SIPA1L1: variants seen among roughly 807,000 people sequenced by gnomAD.
SIPA1L1 encodes signal-induced proliferation-associated 1-like protein 1.
A neutral mutation model predicts 162.7 loss-of-function variants in SIPA1L1; 26 were observed. That is an observed-to-expected ratio of 0.16 (90% confidence interval 0.12 to 0.22). The LOEUF (loss-of-function observed/expected upper bound fraction) is 0.22. Among genes scored for constraint, SIPA1L1 ranks in the 10% least tolerant of loss-of-function variants. SIPA1L1 has a pLI of 1.00. For synonymous variants in SIPA1L1, 829 were observed against 837.4 expected (o/e 0.99, Z 0.17); for missense variants, 1,874 against 2,241.0 (o/e 0.84, Z 3.31).
intron 14 of SIPA1L1, among the ~76,000 whole-genome samples, chr14:71,700,932 T>G (rs978880102): frequency 1.7e-5 from 2 of 120,096 alleles, no homozygotes; most frequent in Non-Finnish European, 3.2e-5. Context: ...AGGCGGAGCT[T>G]GCAGTGAGCC....
intron 17 of SIPA1L1, among the ~76,000 whole-genome samples, chr14:71,718,178 G>T (rs1213933884): frequency 2.0e-5 from 3 of 152,192 alleles, no homozygotes; most frequent in African/African-American, 7.2e-5. Flanking sequence ...ACACAAGAAA[G>T]TATGCTTTAG....
In SIPA1L1 at chr14:71,572,107, G is replaced by T. The variant is rs139174728; in HGVS notation, c.-302-15464G>T. Among the ~76,000 whole-genome samples the T allele has an allele frequency of 3.3e-3, 507 of 152,160 alleles. 6 individuals carry two copies. The highest frequency in any genetic ancestry group is 0.012 in the African/African-American group (485 of 41,532). On this transcript the variant is annotated intron_variant, in intron 4 of 23. Coordinates refer to ENST00000381232, the MANE Select transcript of SIPA1L1 (RefSeq NM_001386936.1). ...TGAGCCTCCTAACTTGCTAGCTCAG[G>T]TCTCTCTTCCTCTTCTTATAAAGCT...
At chr14:71,708,348 A>G (rs1017211525) in intron 16 of SIPA1L1, among the ~76,000 whole-genome samples, 6 of 146,730 alleles carry the variant, frequency 4.1e-5, no homozygotes, top group Admixed American at 6.9e-5. Flanking sequence ...GAGACAGGGT[A>G]TCACTCTGTC....
At chr14:71,331,986 T>G (rs929992271) in intron 2 of SIPA1L1, among the ~76,000 whole-genome samples, 1 of 152,216 alleles carries the variant, frequency 6.6e-6, no homozygotes, top group African/African-American at 2.4e-5. Flanking sequence ...AAGAAATATT[T>G]TCTCATCATC....
chr14:71,709,366 G>A lies in SIPA1L1; in HGVS notation c.3910G>A (p.Asp1304Asn), dbSNP rs1157647068. ...SYNYLQGTSA[D>N]SGIDTTSYGP... ...TAACTATCTGCAAGGCACCTCTGCT[G>A]ACAGTGGCATTGACACCACCTCTTA... The change falls in exon 17 of 24, where the codon GAC becomes AAC. Residue 1304 changes from aspartate (D) to asparagine (N), a missense_variant. By Grantham distance (23) the Asp-to-Asn change is conservative. Coordinates refer to ENST00000381232, the MANE Select transcript of SIPA1L1 (RefSeq NM_001386936.1). The A allele has an allele frequency of 6.2e-7, 1 of 1,614,108 alleles. No individual in the cohort carries two copies. The highest frequency in any genetic ancestry group is 8.5e-7 in the Non-Finnish European group (1 of 1,180,054).
At chr14:71,446,785 T>C (rs2045378158) in intron 2 of SIPA1L1, among the ~76,000 whole-genome samples, 1 of 151,770 alleles carries the variant, frequency 6.6e-6, no homozygotes, top group Non-Finnish European at 1.5e-5. Context: ...TCTGAAACAG[T>C]AAGGGGTGAA....
chr14:71,355,810 G>A (rs1048933015), intron 2 of SIPA1L1, among the ~76,000 whole-genome samples: 19 of 152,194 alleles, frequency 1.2e-4, no homozygotes, highest in African/African-American at 4.1e-4. Flanking sequence ...TGTTTTGTGT[G>A]TTGTTTTCTT....
intron 2 of SIPA1L1, among the ~76,000 whole-genome samples, chr14:71,441,115 C>T (rs2044818442): frequency 6.6e-6 from 1 of 152,180 alleles, no homozygotes; most frequent in African/African-American, 2.4e-5. Flanking sequence ...AAATTTTCAG[C>T]ATCTTGTTAC....
At chr14:71,635,516 C>G (rs1393025063) in intron 7 of SIPA1L1, among the ~76,000 whole-genome samples, 2 of 152,136 alleles carry the variant, frequency 1.3e-5, no homozygotes, top group Non-Finnish European at 2.9e-5. Context: ...TTCTACACTT[C>G]GCTTCAATTG....
chr14:71,740,713 T>G lies in SIPA1L1; in HGVS notation c.*1552T>G, dbSNP rs1322084076. 3 of 152,236 alleles carry G rather than the reference T, an allele frequency of 2.0e-5. No homozygotes were observed. The highest frequency in any genetic ancestry group is 7.2e-5 in the African/African-American group (3 of 41,464). The allele number at this position is 152,236 out of a possible 1,614,324, so 9.4% of individuals were successfully genotyped here. On this transcript the variant is annotated 3_prime_UTR_variant, in exon 24 of 24. Transcript: ENST00000381232. ...GATTGTGATTTCTCCATGGAATTTT[T>G]TTTTTCTGGTGACATTTCTATCATG... is the stretch of plus-strand genomic sequence containing the variant.
chr14:71,690,445 A>C (rs1262277332), intron 13 of SIPA1L1, among the ~76,000 whole-genome samples: 1 of 151,898 alleles, frequency 6.6e-6, no homozygotes, highest in African/African-American at 2.4e-5. Context: ...ACAGTGTCTC[A>C]CTCTGTTGCC....
At chr14:71,688,818 G>A (rs895682161) in intron 13 of SIPA1L1, among the ~76,000 whole-genome samples, 2 of 152,206 alleles carry the variant, frequency 1.3e-5, no homozygotes, top group Non-Finnish European at 2.9e-5. Context: ...TAATGGTGTG[G>A]CGTAATATTG....
intron 7 of SIPA1L1, among the ~76,000 whole-genome samples, chr14:71,629,883 T>G (rs1193831770): frequency 1.3e-5 from 2 of 152,236 alleles, no homozygotes; most frequent in Non-Finnish European, 2.9e-5. Context: ...GTTTATGTGG[T>G]AATGAATAGC....
intron 2 of SIPA1L1, among the ~76,000 whole-genome samples, chr14:71,347,444 T>C (rs1166915894): frequency 1.3e-5 from 2 of 152,224 alleles, no homozygotes; most frequent in Non-Finnish European, 2.9e-5. Flanking sequence ...TTAAGAATAA[T>C]GTTGCTTTGC....
At chr14:71,344,046 C>G (rs2035915027) in intron 2 of SIPA1L1, among the ~76,000 whole-genome samples, 2 of 152,166 alleles carry the variant, frequency 1.3e-5, no homozygotes, top group South Asian at 4.1e-4. Flanking sequence ...ATAGGAGAAG[C>G]AAGGAAAAAA....
intron 12 of SIPA1L1, among the ~76,000 whole-genome samples, chr14:71,674,775 G>A (rs900803242): frequency 3.3e-5 from 5 of 151,166 alleles, no homozygotes; most frequent in Non-Finnish European, 5.9e-5. Flanking sequence ...CGTTTTAGCC[G>A]GGATGGTCTC....
chr14:71,600,578 C>G (rs1006564755), intron 5 of SIPA1L1, among the ~76,000 whole-genome samples: 2 of 151,984 alleles, frequency 1.3e-5, no homozygotes, highest in African/African-American at 4.8e-5. Context: ...GTCTCTTCTG[C>G]CTCTTTTTTG....
intron 13 of SIPA1L1, among the ~76,000 whole-genome samples, chr14:71,695,672 C>T (rs1055471229): frequency 4.6e-5 from 7 of 152,310 alleles, no homozygotes; most frequent in Non-Finnish European, 7.4e-5. Context: ...GACCCCTACA[C>T]GTTGCATTAA....
At position 71,685,586 on chromosome 14, in the gene SIPA1L1, A is replaced by G. The variant is rs754916219; in HGVS notation, c.3329A>G (p.Asn1110Ser). 6.2e-7 allele frequency: 1 copy of G among 1,614,216 alleles called. No homozygotes were observed. The highest frequency in any genetic ancestry group is 8.5e-7 in the Non-Finnish European group (1 of 1,180,046). The change falls in exon 13 of 24, where the codon AAC (asparagine) becomes AGC (serine). Residue 1110 changes from asparagine to serine, a missense_variant. By Grantham distance (46) the Asn-to-Ser change is conservative. Around this residue, in one of 5 missense-constraint regions of SIPA1L1, gnomAD observed 936 missense variants for 1,051.9 expected, o/e 0.89. Transcript: ENST00000381232. ...GKMPPPERAANIPRSISSDGR... is the reference protein window; with the variant it reads ...GKMPPPERAASIPRSISSDGR... ...ATGCCTCCTCCAGAAAGAGCCGCCA[A>G]CATCCCTCGAAGCATCTCCAGTGAC...
Sources: allele counts gnomAD v4.1 joint callset (sites outside exome capture counted in the v4.1 genomes callset), GRCh38; gene constraint gnomAD v4.1.1; regional missense constraint gnomAD v4.1.1; transcripts MANE v1.5; gene names NCBI Gene and HGNC (gene_info 2026-07-23, HGNC 2026-07-21).